TARBP1: variants seen among roughly 807,000 people sequenced by gnomAD.
TARBP1 encodes the protein tRNA guanosine 2 -O-methyltransferase TARBP1.
TARBP1 carries 144 observed loss-of-function variants against 178.6 expected under a neutral mutation model. That is an observed-to-expected ratio of 0.81 (90% CI 0.70 to 0.93). The LOEUF is 0.93. Among genes scored for constraint, TARBP1 ranks in the 40% least tolerant of loss-of-function variants. TARBP1 has a pLI of 0.00. For missense variants in TARBP1, 2,067 were observed against 2,011.7 expected (o/e 1.03, Z -0.53); for synonymous variants, 787 against 781.0 (o/e 1.01, Z -0.13).
chr1:234,478,128 C>T (rs748732855), intron 1 of TARBP1, 45 bp downstream of exon 1: 3 of 1,581,430 alleles, frequency 1.9e-6, no homozygotes, highest in East Asian at 2.4e-5. Flanking sequence ...CCCTCTGGGG[C>T]AGCCAAGTAG....
chr1:234,429,003 GA>G, intron 17 of TARBP1, 132 bp downstream of exon 17: 2 of 765,250 alleles, frequency 2.6e-6, no homozygotes, highest in Non-Finnish European at 3.9e-6. Context: ...TGATATTTAA[GA>G]AGGTTCAAAA....
chr1:234,440,031 T>C (rs770037112), intron 12 of TARBP1, among the ~76,000 whole-genome samples: 5 of 152,160 alleles, frequency 3.3e-5, no homozygotes, highest in Non-Finnish European at 7.3e-5. Flanking sequence ...ACTGAAATCA[T>C]ATGATATATG....
chr1:234,392,618 G>T, intron 28 of TARBP1, 66 bp from the exon 29 acceptor site: 6 of 1,439,836 alleles, frequency 4.2e-6, no homozygotes, highest in Non-Finnish European at 5.7e-6. Context: ...GTAAATTAGA[G>T]TTAAAAAACG....
chr1:234,399,411 G>A (rs1660448961), intron 25 of TARBP1, among the ~76,000 whole-genome samples: 1 of 152,140 alleles, frequency 6.6e-6, no homozygotes, highest in South Asian at 2.1e-4. Context: ...ACCAAGTAGG[G>A]GGCACCAAGT....
At chr1:234,472,690 T>G in intron 2 of TARBP1, 24 bp downstream of exon 2, 1 of 1,505,162 alleles carries the variant, frequency 6.6e-7, no homozygotes, top group Admixed American at 2.2e-5. Context: ...ACTGTAGGAT[T>G]TGCTAAAATA....
intron 24 of TARBP1, among the ~76,000 whole-genome samples, chr1:234,403,367 A>G (rs1660891503): frequency 6.6e-6 from 1 of 152,232 alleles, no homozygotes; most frequent in Non-Finnish European, 1.5e-5. Flanking sequence ...TAATGTAAAC[A>G]TCATGTTACT....
At chr1:234,402,748 T>TTTA (rs1347317828) in intron 24 of TARBP1, among the ~76,000 whole-genome samples, 1 of 151,988 alleles carries the variant, frequency 6.6e-6, no homozygotes, top group Admixed American at 6.6e-5. Flanking sequence ...CTAACTTTTT[T>TTTA]TTATTATTAT....
intron 14 of TARBP1, among the ~76,000 whole-genome samples, chr1:234,431,570 A>T (rs568640041): frequency 1.4e-4 from 22 of 152,344 alleles, no homozygotes; most frequent in African/African-American, 5.1e-4. Context: ...ATTGAGTTCA[A>T]CTTATTAAAC....
intron 14 of TARBP1, among the ~76,000 whole-genome samples, chr1:234,432,410 C>A (rs776503905): frequency 6.6e-6 from 1 of 152,036 alleles, no homozygotes; most frequent in East Asian, 1.9e-4. Context: ...CCACTGCACT[C>A]GGTCTGGGTG....
intron 6 of TARBP1, among the ~76,000 whole-genome samples, chr1:234,463,146 G>A (rs1300407889): frequency 1.3e-5 from 2 of 151,278 alleles, no homozygotes; most frequent in Non-Finnish European, 2.9e-5. Context: ...GTTTTTTTGA[G>A]ACAGTCTTGC....
At position 234,410,509 on chromosome 1, in the gene TARBP1, C is replaced by T. The variant is rs1558162724; in HGVS notation, c.3728G>A (p.Ser1243Asn). The part of the protein sequence containing the change: ...FSYGEENLKT[S>N]ICTFLAVLSH... ...TAAAACTGCTAAAAACGTACAAATGCTTGTTTTAAGATTTTCTTCACCCTG... is the reference window on the plus strand; with the variant it reads ...TAAAACTGCTAAAAACGTACAAATGTTTGTTTTAAGATTTTCTTCACCCTG... Residue 1243 changes from serine to asparagine, a missense_variant, in exon 23 of 30, where the codon AGC (serine) becomes AAC (asparagine). Physicochemically the swap from Ser to Asn is conservative, Grantham distance 46 (BLOSUM62 1). Transcript: ENST00000040877. 5.9e-6 allele frequency: 9 copies of T among 1,513,770 alleles called. No homozygotes were observed. Among genetic ancestry groups the T allele is most frequent in the Admixed American group, 1.9e-5 (1 of 53,726 alleles). The allele number at this position is 1,513,770 out of a possible 1,614,324, so 93.8% of individuals were successfully genotyped here. A position where few individuals can be genotyped will look rare whatever the true frequency, so the allele number is the denominator to read the frequency against.
chr1:234,437,517 C>A, intron 12 of TARBP1, 145 bp from the exon 13 acceptor site: 1 of 484,244 alleles, frequency 2.1e-6, no homozygotes, highest in Non-Finnish European at 3.8e-6. Context: ...AATCATTCAC[C>A]CCATGGGGAA....
Position 234,427,570 on chromosome 1 carries a change from T to G in TARBP1, c.3251+6A>C. ...TATGACCAGTTGAAATAATAGCATC[T>G]TTTACCTTTGATCACGCCTAAACAC... On this transcript the variant is annotated splice_donor_region_variant and intron_variant, in intron 18 of 29. Coordinates refer to ENST00000040877, the MANE Select transcript of TARBP1 (RefSeq NM_005646.4). 6.3e-7 allele frequency: 1 copy of G among 1,593,606 alleles called. No homozygotes were observed. The highest frequency in any genetic ancestry group is 1.2e-5 in the South Asian group (1 of 86,500).
rs756063328 is a variant in TARBP1, at chr1:234,410,529, A to C, written c.3708T>G (p.Gly1236=). The C allele has an allele frequency of 6.7e-7, 1 of 1,500,464 alleles. No individual in the cohort carries two copies. The highest frequency in any genetic ancestry group is 1.4e-5 in the African/African-American group (1 of 72,540). 92.9% of individuals were successfully genotyped at this position (1,500,464 alleles called of 1,614,324 possible). The part of the protein sequence containing the change: ...LPKFWDCFSY[G]EENLKTSICT... The stretch of plus-strand genomic sequence containing the variant: ...AAATGCTTGTTTTAAGATTTTCTTC[A>C]CCCTGAAAAAATAATCAGATAAACA... The change falls in exon 23 of 30, where the codon GGT becomes GGG. Residue 1236 remains glycine, a splice_region_variant and synonymous_variant. Coordinates refer to ENST00000040877, the MANE Select transcript of TARBP1 (RefSeq NM_005646.4).
rs148182527 is a variant in TARBP1, at chr1:234,406,481, G to A, written c.3793-382C>T. ...ATTTGTGCTGAGAAAGTCAGAAATA[G>A]TCTTCAAGAGTCCCACTTCTGATGG... On this transcript the variant is annotated intron_variant, in intron 23 of 29. Coordinates refer to ENST00000040877, the MANE Select transcript of TARBP1 (RefSeq NM_005646.4). 7.6e-3 allele frequency: 1,475 copies of A among 195,148 alleles called. 28 individuals carry two copies. Among genetic ancestry groups the A allele is most frequent in the African/African-American group, 0.032 (1,365 of 42,728 alleles). The allele number at this position is 195,148 out of a possible 1,614,324, so 12.1% of individuals were successfully genotyped here.
In TARBP1 at chr1:234,478,808, GC is replaced by G. The variant is rs1260293292; in HGVS notation, c.295del (p.Ala99ArgfsTer46). ...GCACGAGCGCAGGGCCGCGCCCGCC[GC>G]CCTCAGCACGCGCCGGCGGTGGCGA... Reference protein sequence around the residue: ...QPRHRRRVLRAAGAALRSCVR... With the variant: ...QPRHRRRVLRXAGAALRSCVR... On this transcript the variant is annotated frameshift_variant, in exon 1 of 30. Transcript: ENST00000040877. LOFTEE classifies it high-confidence loss of function. 1 of 1,152,548 alleles carries G rather than the reference GC, an allele frequency of 8.7e-7. No individual in the cohort carries two copies. The allele number at this position is 1,152,548 out of a possible 1,614,324, so 71.4% of individuals were successfully genotyped here. A position where few individuals can be genotyped will look rare whatever the true frequency, so the allele number is the denominator to read the frequency against.
chr1:234,465,625 T>A, intron 5 of TARBP1, 31 bp downstream of exon 5: 4 of 1,534,118 alleles, frequency 2.6e-6, no homozygotes, highest in Non-Finnish European at 3.5e-6. Flanking sequence ...AATGTATGTA[T>A]CAAATACTTC....
intron 19 of TARBP1, 36 bp downstream of exon 19, chr1:234,427,281 A>G (rs1197319864): frequency 6.8e-7 from 1 of 1,479,594 alleles, no homozygotes; most frequent in East Asian, 2.3e-5. Flanking sequence ...TTAGTATCTC[A>G]TTTATGTGAA....
At chr1:234,448,946 A>T (rs556709012) in intron 10 of TARBP1, among the ~76,000 whole-genome samples, 4 of 152,264 alleles carry the variant, frequency 2.6e-5, no homozygotes, top group African/African-American at 9.6e-5. Context: ...TGGAGTCTAC[A>T]CTAGGAAGAC....
Sources: gnomAD v4.1 joint callset for allele counts (sites outside exome capture counted in the v4.1 genomes callset) on GRCh38, gnomAD v4.1.1 for gene constraint, MANE v1.5 for transcripts, NCBI Gene and HGNC (gene_info 2026-07-23, HGNC 2026-07-21) for gene names.